The following DCTD variants were observed in gnomAD, a reference collection of about 807,000 sequenced individuals.
The protein encoded by DCTD is dCMP deaminase, also known as deoxycytidylate deaminase.
Under a neutral mutation model 21.0 loss-of-function variants are expected in DCTD, and 23 were observed. The ratio of observed to expected loss-of-function variants is 1.09; its 90% CI spans 0.79 to 1.55. The LOEUF (loss-of-function observed/expected upper bound fraction) is 1.55. Among genes scored for constraint, DCTD ranks in the 40% most tolerant of loss-of-function variants. The pLI, the probability that DCTD is intolerant of heterozygous loss-of-function variation, is 0.00. For synonymous variants in DCTD, 71 were observed against 81.1 expected, an observed-to-expected ratio of 0.88 and a Z score of 0.67; for missense variants, 224 against 230.0, an observed-to-expected ratio of 0.97 and a Z score of 0.17.
chr4:182,893,101 C>T lies in DCTD; in HGVS notation c.388G>A (p.Asp130Asn). 6.2e-7 allele frequency: 1 copy of T among 1,610,388 alleles called. No individual in the cohort carries two copies. The highest frequency in any genetic ancestry group is 1.1e-5 in the South Asian group (1 of 90,538). The change falls in exon 5 of 6, where the codon GAT (aspartate) becomes AAT (asparagine). Residue 130 changes from aspartate (D) to asparagine (N), a missense_variant. Transcript: ENST00000438320. Reference sequence around the variant, plus strand: ...GCCTCGTCACTATCATGGTATTTATCAGACATGAAAATCACTTCTTTTATA... The same window carrying T: ...GCCTCGTCACTATCATGGTATTTATTAGACATGAAAATCACTTCTTTTATA... ...AGIKEVIFMS[D>N]KYHDSDEATA... is the part of the protein sequence containing the mutation.
chr4:182,902,974 TG>T (rs1198792623), intron 3 of DCTD, among the ~76,000 whole-genome samples: 1 of 152,218 alleles, frequency 6.6e-6, no homozygotes, highest in Non-Finnish European at 1.5e-5. Context: ...GGATTACAAA[TG>T]TTTTTTCAGG....
intron 4 of DCTD, 63 bp downstream of exon 4, chr4:182,894,426 C>T: frequency 1.1e-6 from 1 of 927,100 alleles, no homozygotes; most frequent in South Asian, 1.3e-5. Context: ...AACACATCAG[C>T]AATGAGCTAC....
rs58736081 is a variant in DCTD at position 182,892,565 on chromosome 4, G to C, written c.458+466C>G. On this transcript the variant is annotated intron_variant, in intron 5 of 5. Transcript: ENST00000438320. ...AACCGCTTGAACCTGAGAAGCGGAG[G>C]TTGCAGTGAGCCAGGATCGCACCAC... Among the ~76,000 whole-genome samples, 1,067 of 152,000 alleles carry C rather than the reference G, an allele frequency of 7.0e-3. 8 individuals are homozygous for C. The highest frequency in any genetic ancestry group is 0.02 in the African/African-American group (810 of 41,474).
intron 3 of DCTD, among the ~76,000 whole-genome samples, chr4:182,912,303 T>C (rs780855767): frequency 4.1e-4 from 62 of 152,358 alleles, no homozygotes; most frequent in African/African-American, 9.6e-4. Flanking sequence ...CATTTAGACT[T>C]TAAGCCCATC....
chr4:182,908,988 G>A (rs1420864780), intron 3 of DCTD, among the ~76,000 whole-genome samples: 1 of 152,100 alleles, frequency 6.6e-6, no homozygotes, highest in African/African-American at 2.4e-5. Flanking sequence ...TTATAGAAAG[G>A]AGACAGATAT....
intron 3 of DCTD, among the ~76,000 whole-genome samples, chr4:182,910,187 C>T (rs999065882): frequency 6.6e-6 from 1 of 152,118 alleles, no homozygotes; most frequent in African/African-American, 2.4e-5. Flanking sequence ...GGATAGGAGG[C>T]CAAGCACAGA....
Position 182,917,121 on chromosome 4 carries a change from A to AACCCGAGCGC in DCTD, c.-8+189_-8+190insGCGCTCGGGT, listed in dbSNP as rs1738878348. ...AATCGACCCTGGAGTGACTGCGGGG[A>AACCCGAGCGC]CCCCGAGCGCCCCCACCCCGCCCGC... On this transcript the variant is annotated intron_variant, in intron 1 of 5. Transcript: ENST00000438320. This position sits in a 1 kb window ranked among gnomAD's most constrained non-coding sequence, Gnocchi z 4.9. The AACCCGAGCGC allele has an allele frequency of 2.0e-6, 2 of 986,334 alleles. No homozygotes were observed. Among genetic ancestry groups the AACCCGAGCGC allele is most frequent in the Admixed American group, 6.2e-5 (1 of 16,244 alleles). The allele number at this position is 986,334 out of a possible 1,614,324, so 61.1% of individuals were successfully genotyped here.
intron 3 of DCTD, among the ~76,000 whole-genome samples, chr4:182,914,541 T>C (rs946518712): frequency 6.6e-6 from 1 of 152,154 alleles, no homozygotes; most frequent in African/African-American, 2.4e-5. Context: ...TGCTTCCAAG[T>C]AGTAAAAAAA....
chr4:182,906,163 G>T lies in DCTD; in HGVS notation c.244+8760C>A, dbSNP rs531676128. ...CAACCTGTCCTAGTTTGTTTGGGCT[G>T]CTCTAACAAATATCATAAATTTGTA... is the stretch of plus-strand genomic sequence containing the variant. On this transcript the variant is annotated intron_variant, in intron 3 of 5. Transcript: ENST00000438320. Among the ~76,000 whole-genome samples, 3 of 152,112 alleles carry T rather than the reference G, an allele frequency of 2.0e-5. No individual in the cohort carries two copies. In the South Asian group the frequency reaches 6.3e-4, roughly 32 times the overall value.
intron 3 of DCTD, among the ~76,000 whole-genome samples, chr4:182,896,253 AC>A (rs148533671): frequency 0.011 from 1,711 of 152,112 alleles, 28 homozygotes; most frequent in African/African-American, 0.039. Context: ...CTCCTCAGCC[AC>A]CCTCTCGTGT....
chr4:182,907,364 T>C (rs1736911845), intron 3 of DCTD, among the ~76,000 whole-genome samples: 1 of 152,200 alleles, frequency 6.6e-6, no homozygotes, highest in Non-Finnish European at 1.5e-5. Flanking sequence ...TCTTGAACTC[T>C]TGAACTCGAA....
At chr4:182,897,855 G>A (rs1735028617) in intron 3 of DCTD, among the ~76,000 whole-genome samples, 1 of 152,184 alleles carries the variant, frequency 6.6e-6, no homozygotes, top group South Asian at 2.1e-4. Context: ...GCTGCCGCCT[G>A]TTGTGGTCCT....
chr4:182,896,741 T>A (rs1296240323), intron 3 of DCTD, among the ~76,000 whole-genome samples: 1 of 152,094 alleles, frequency 6.6e-6, no homozygotes, highest in Non-Finnish European at 1.5e-5. Flanking sequence ...TTAAAAACAA[T>A]TACATGTAAT....
chr4:182,917,407 C>T (rs907980623), upstream of DCTD: 59 of 1,043,752 alleles, frequency 5.7e-5, no homozygotes, highest in Non-Finnish European at 6.4e-5. This position sits in a 1 kb window ranked among gnomAD's most constrained non-coding sequence, Gnocchi z 4.9. Context: ...CGCCGCGGGG[C>T]CGGAAGGGGG....
intron 3 of DCTD, among the ~76,000 whole-genome samples, chr4:182,899,385 C>G (rs919929073): frequency 2.7e-5 from 4 of 150,792 alleles, no homozygotes; most frequent in Admixed American, 1.3e-4. Context: ...CCCATAGTCA[C>G]TGCCCTTTTT....
intron 3 of DCTD, among the ~76,000 whole-genome samples, chr4:182,896,883 T>G (rs1234911238): frequency 6.6e-6 from 1 of 152,208 alleles, no homozygotes; most frequent in Non-Finnish European, 1.5e-5. Flanking sequence ...GAAATGCAGA[T>G]TCCAATTATT....
chr4:182,909,314 G>A (rs1737273041), intron 3 of DCTD, among the ~76,000 whole-genome samples: 2 of 152,292 alleles, frequency 1.3e-5, no homozygotes, highest in Middle Eastern at 3.4e-3. Flanking sequence ...ATACACTGGT[G>A]TGTCCCTCTG....
chr4:182,912,037 A>G (rs1454455833), intron 3 of DCTD, among the ~76,000 whole-genome samples: 2 of 152,160 alleles, frequency 1.3e-5, no homozygotes, highest in Admixed American at 6.5e-5. Flanking sequence ...CCTTCCTGCT[A>G]CAGCAGCTCA....
At position 182,893,062 on chromosome 4, in the gene DCTD, G is replaced by T; in HGVS notation, c.427C>A (p.Leu143Ile). ...HDSDEATAAR[L>I]LFNMAGVTFR... Reference sequence around the variant, plus strand: ...GTCACCCCGGCCATATTAAACAGGAGCCTCGCAGCAGTTGCCTCGTCACTA... The same window carrying T: ...GTCACCCCGGCCATATTAAACAGGATCCTCGCAGCAGTTGCCTCGTCACTA... Residue 143 changes from leucine to isoleucine, a missense_variant, in exon 5 of 6, where the codon CTC becomes ATC. By Grantham distance (5) the Leu-to-Ile change is conservative. Coordinates refer to ENST00000438320, the MANE Select transcript of DCTD (RefSeq NM_001921.3). The T allele has an allele frequency of 6.2e-7, 1 of 1,612,736 alleles. No homozygotes were observed. The highest frequency in any genetic ancestry group is 8.5e-7 in the Non-Finnish European group (1 of 1,179,186).
Sources: gnomAD v4.1 joint callset for allele counts (sites outside exome capture counted in the v4.1 genomes callset) on GRCh38, gnomAD v4.1.1 for gene constraint, Gnocchi (gnomAD v3.1) non-coding constraint, MANE v1.5 for transcripts, NCBI Gene and HGNC (gene_info 2026-07-23, HGNC 2026-07-21) for gene names.